LAMA4: variants seen among roughly 807,000 people sequenced by gnomAD.
The protein encoded by LAMA4 is laminin subunit alpha 4, also known as laminin subunit alpha-4.
In LAMA4, 127 loss-of-function variants were observed where a neutral mutation model predicts 207.1. That is an observed-to-expected ratio of 0.61 (90% CI 0.53 to 0.71). The LOEUF is 0.71. LAMA4 is among the 30% of genes least tolerant of loss of function. LAMA4 has a pLI of 0.00. For synonymous variants in LAMA4, 761 were observed against 816.0 expected (o/e 0.93, Z 1.15); for missense variants, 2,093 against 2,246.5 (o/e 0.93, Z 1.38).
intron 2 of LAMA4, among the ~76,000 whole-genome samples, chr6:112,219,726 T>C (rs897262132): frequency 3.3e-5 from 5 of 152,308 alleles, no homozygotes; most frequent in South Asian, 4.1e-4. Flanking sequence ...AACATGAATA[T>C]CTACCATGTT....
intron 33 of LAMA4, 94 bp downstream of exon 33, chr6:112,120,189 T>G (rs587705187): frequency 1.4e-5 from 14 of 1,023,008 alleles, no homozygotes; most frequent in Non-Finnish European, 1.7e-5. Context: ...AATTTTAAAA[T>G]GGATATTTCT....
intron 2 of LAMA4, among the ~76,000 whole-genome samples, chr6:112,222,459 G>A (rs1784976653): frequency 6.6e-6 from 1 of 152,268 alleles, no homozygotes; most frequent in East Asian, 1.9e-4. Context: ...TATCCGCCAT[G>A]CCTTGCTCAG....
intron 13 of LAMA4, among the ~76,000 whole-genome samples, chr6:112,162,782 G>T (rs1261811937): frequency 1.3e-5 from 2 of 152,116 alleles, no homozygotes; most frequent in African/African-American, 4.8e-5. Flanking sequence ...CTCCGTGGAG[G>T]TGTCATAGCT....
chr6:112,246,818 C>A (rs558468123), intron 2 of LAMA4, among the ~76,000 whole-genome samples: 1 of 152,346 alleles, frequency 6.6e-6, no homozygotes, highest in East Asian at 1.9e-4. Context: ...CCGTGCCCAG[C>A]TGCTGTTGGC....
intron 2 of LAMA4, chr6:112,219,000 T>C (rs1784784969): frequency 6.6e-6 from 1 of 152,236 alleles, no homozygotes; most frequent in African/African-American, 2.4e-5. Flanking sequence ...GAGGACTCCC[T>C]GGAATGGAGT....
intron 6 of LAMA4, 67 bp downstream of exon 6, chr6:112,191,569 T>C (rs1783121374): frequency 1.7e-6 from 2 of 1,179,594 alleles, no homozygotes; most frequent in Non-Finnish European, 1.3e-6. Context: ...AAATTCTTCA[T>C]CTAAATTCAG....
intron 38 of LAMA4, 80 bp downstream of exon 38, chr6:112,113,996 A>G: frequency 6.5e-7 from 1 of 1,537,322 alleles, no homozygotes; most frequent in South Asian, 1.1e-5. Context: ...TCATAAAAAC[A>G]CATGGCTCAA....
At chr6:112,153,544 GTTGCT>G (rs1780520798) in intron 16 of LAMA4, among the ~76,000 whole-genome samples, 1 of 152,016 alleles carries the variant, frequency 6.6e-6, no homozygotes, top group Admixed American at 6.6e-5. Context: ...AAATAGAAAA[GTTGCT>G]TTTATGAGGT....
At chr6:112,146,770 GAATTAAGTAA>G in intron 18 of LAMA4, among the ~76,000 whole-genome samples, 1 of 152,132 alleles carries the variant, frequency 6.6e-6, no homozygotes, top group Admixed American at 6.5e-5. Context: ...GCAAGGAATA[GAATTAAGTAA>G]AATAATAGCA....
Position 112,189,135 on chromosome 6 carries a change from A to T in LAMA4, c.789T>A (p.Pro263=). ...GECLEEGFEP[P]TGMDCPTISC... The stretch of plus-strand genomic sequence containing the variant: ...TTATGGTTGGGCAGTCCATGCCTGT[A>T]GGGGGTTCAAAACCTTCTTCCAAGC... Residue 263 remains proline (P), a synonymous_variant, in exon 7 of 39, where the codon CCT becomes CCA. Coordinates refer to ENST00000230538, the MANE Select transcript of LAMA4 (RefSeq NM_001105206.3). The T allele has an allele frequency of 6.2e-7, 1 of 1,613,764 alleles. No individual in the cohort carries two copies. The highest frequency in any genetic ancestry group is 8.5e-7 in the Non-Finnish European group (1 of 1,179,690).
chr6:112,179,169 G>A (rs1782197346), intron 9 of LAMA4: 1 of 151,964 alleles, frequency 6.6e-6, no homozygotes, highest in Non-Finnish European at 1.5e-5. Flanking sequence ...CTCTCAACTT[G>A]GGAGATTCTG....
intron 12 of LAMA4, among the ~76,000 whole-genome samples, chr6:112,165,484 C>G (rs782563293): frequency 1.4e-4 from 21 of 152,316 alleles, no homozygotes; most frequent in Non-Finnish European, 2.4e-4. Context: ...CAGTAAGAAT[C>G]TTGGGAGATT....
intron 10 of LAMA4, 75 bp from the exon 11 acceptor site, chr6:112,175,555 C>CT: frequency 1.4e-6 from 2 of 1,471,250 alleles, no homozygotes; most frequent in South Asian, 2.3e-5. Flanking sequence ...GGAGCAAGGG[C>CT]TGTGGGCAAA....
At position 112,178,109 on chromosome 6, in the gene LAMA4, G is replaced by A; in HGVS notation, c.1189+12C>T. 1.3e-6 allele frequency: 2 copies of A among 1,554,572 alleles called. No homozygotes were observed. The highest frequency in any genetic ancestry group is 1.8e-6 in the Non-Finnish European group (2 of 1,125,710). On this transcript the variant is annotated intron_variant, in intron 10 of 38. Coordinates refer to ENST00000230538, the MANE Select transcript of LAMA4 (RefSeq NM_001105206.3). ...CTTGATATTAAACTGAACCAGAAGA[G>A]AATATATTTACCTTGGATTTTATCC...
chr6:112,186,714 G>A (rs1232611450), intron 8 of LAMA4: 1 of 445,232 alleles, frequency 2.2e-6, no homozygotes, highest in Non-Finnish European at 4.5e-6. Flanking sequence ...TGTGTAAATA[G>A]TTGTTACACT....
At chr6:112,212,115 T>C (rs1784384515) in intron 3 of LAMA4, among the ~76,000 whole-genome samples, 1 of 151,764 alleles carries the variant, frequency 6.6e-6, no homozygotes. Flanking sequence ...ACCAGCAGAG[T>C]AATGCTGTCA....
At chr6:112,200,132 C>T (rs782120633) in intron 5 of LAMA4, 7 of 533,288 alleles carry the variant, frequency 1.3e-5, no homozygotes, top group Non-Finnish European at 1.9e-5. Flanking sequence ...AAATATCTTA[C>T]CGAGTCATTC....
At position 112,148,315 on chromosome 6, in the gene LAMA4, C is replaced by A. The variant is rs781889038; in HGVS notation, c.2195G>T (p.Gly732Val). Residue 732 changes from glycine (G) to valine (V), a missense_variant, in exon 18 of 39, where the codon GGG (glycine) becomes GTG (valine). Gly to Val is a moderately radical substitution (Grantham distance 109). This residue lies in a region of LAMA4 where 1,704 missense variants were observed against 1,788.4 expected (regional missense o/e 0.95). Coordinates refer to ENST00000230538, the MANE Select transcript of LAMA4 (RefSeq NM_001105206.3). ...AERGDAQQRLGQSRLITEEAN... is the reference protein window; with the variant it reads ...AERGDAQQRLVQSRLITEEAN... Reference sequence around the variant, plus strand: ...TTCCTCGGTGATCAGTCTAGACTGCCCCAGGCGCTGCTGGGCATCCCCTTT... The same window carrying A: ...TTCCTCGGTGATCAGTCTAGACTGCACCAGGCGCTGCTGGGCATCCCCTTT... The A allele has an allele frequency of 6.2e-7, 1 of 1,614,134 alleles. No individual in the cohort carries two copies. Among genetic ancestry groups the A allele is most frequent in the Non-Finnish European group, 8.5e-7 (1 of 1,180,010 alleles).
At chr6:112,246,690 T>C (rs1786964951) in intron 2 of LAMA4, among the ~76,000 whole-genome samples, 1 of 152,200 alleles carries the variant, frequency 6.6e-6, no homozygotes, top group Admixed American at 6.5e-5. Context: ...CAGCTAATTT[T>C]TTTGTATTTT....
Sources: gnomAD v4.1 joint callset for allele counts (sites outside exome capture counted in the v4.1 genomes callset) on GRCh38, gnomAD v4.1.1 for gene constraint, gnomAD v4.1.1 regional missense constraint, MANE v1.5 for transcripts, NCBI Gene and HGNC (gene_info 2026-07-23, HGNC 2026-07-21) for gene names.